Variants in CNKSR2 observed in about 807,000 individuals in gnomAD.
The protein encoded by CNKSR2 is CNK homolog protein 2.
A neutral mutation model predicts 84.4 loss-of-function variants in CNKSR2; 14 were observed. The observed-to-expected ratio is 0.17, with a 90% confidence interval of 0.11 to 0.26. The LOEUF (loss-of-function observed/expected upper bound fraction) is 0.26. CNKSR2 is among the 10% of genes least tolerant of loss of function. CNKSR2 has a pLI of 1.00. For synonymous variants in CNKSR2, 275 were observed against 277.9 expected, an observed-to-expected ratio of 0.99 and a Z score of 0.10; for missense variants, 485 against 771.2, an observed-to-expected ratio of 0.63 and a Z score of 4.40.
At chrX:21,456,745 T>C (rs2091000180) in intron 4 of CNKSR2, among the ~76,000 whole-genome samples, 2 of 111,687 alleles carry the variant, frequency 1.8e-5, no homozygotes, top group East Asian at 5.5e-4. Context: ...GTGGGATTGC[T>C]GGATAATATA....
intron 20 of CNKSR2, 22 bp from the exon 21 acceptor site, chrX:21,648,809 T>TTTTTTTTTTTG: frequency 1.3e-6 from 1 of 788,569 alleles, no homozygotes; most frequent in Non-Finnish European, 1.6e-6. Context: ...TTTTTTTTTT[T>TTTTTTTTTTTG]TTTTTTTTTT....
intron 4 of CNKSR2, 30 bp downstream of exon 4, chrX:21,440,811 A>G (rs773352116): frequency 1.1e-6 from 1 of 922,770 alleles, no homozygotes; most frequent in African/African-American, 2.0e-5. Context: ...CCTTCTGTTA[A>G]TTTATTAGCA....
chrX:21,648,794 CTTTTTT>C (rs33962399), intron 20 of CNKSR2, 31 bp from the exon 21 acceptor site: 113 of 315,831 alleles, frequency 3.6e-4, no homozygotes, highest in Middle Eastern at 9.8e-4. Flanking sequence ...CTCTCTCTTT[CTTTTTT>C]TTTTTTTTTT....
chrX:21,599,156 G>T (rs1324383110), intron 17 of CNKSR2, among the ~76,000 whole-genome samples: 1 of 112,299 alleles, frequency 8.9e-6, no homozygotes, highest in Non-Finnish European at 1.9e-5. Context: ...CAGAAATTAC[G>T]TCTTATTTAT....
intron 11 of CNKSR2, among the ~76,000 whole-genome samples, chrX:21,536,844 G>A (rs867646376): frequency 1.6e-5 from 1 of 61,533 alleles, no homozygotes; most frequent in African/African-American, 7.0e-5. Context: ...TTTTTTTTTT[G>A]TCTCTTTCAT....
chrX:21,436,786 T>C (rs1019867564), intron 3 of CNKSR2, among the ~76,000 whole-genome samples: 7 of 111,093 alleles, frequency 6.3e-5, no homozygotes, highest in Non-Finnish European at 1.1e-4. Context: ...GTTTTTACTC[T>C]CATAGATGAT....
At chrX:21,403,426 T>C (rs1238465023) in intron 1 of CNKSR2, among the ~76,000 whole-genome samples, 1 of 111,810 alleles carries the variant, frequency 8.9e-6, no homozygotes, top group Non-Finnish European at 1.9e-5. Context: ...ATACGAACTT[T>C]AGTGTCAATT....
intron 20 of CNKSR2, among the ~76,000 whole-genome samples, chrX:21,636,702 T>G (rs191716982): frequency 1.8e-3 from 197 of 111,071 alleles, no homozygotes; most frequent in Admixed American, 5.0e-3. Context: ...AACTATAAAA[T>G]TTTAAGATAG....
At chrX:21,515,367 G>C (rs747484390) in intron 8 of CNKSR2, among the ~76,000 whole-genome samples, 65 of 110,977 alleles carry the variant, frequency 5.9e-4, no homozygotes, top group Non-Finnish European at 4.0e-4. Context: ...ATTAGACAAA[G>C]GGCACCAATT....
At chrX:21,471,062 T>C (rs58973208) in intron 5 of CNKSR2, among the ~76,000 whole-genome samples, 3,355 of 111,727 alleles carry the variant, frequency 0.03, 128 homozygotes, top group African/African-American at 0.1. Flanking sequence ...AAATTAATAA[T>C]GTAGAGCAAG....
At chrX:21,557,718 G>A (rs184245069) in intron 11 of CNKSR2, among the ~76,000 whole-genome samples, 4 of 110,821 alleles carry the variant, frequency 3.6e-5, no homozygotes, top group East Asian at 5.6e-4. Flanking sequence ...CCTAATCCTC[G>A]TTTTCTAGAT....
At chrX:21,623,757 CG>C (rs1439393521) in intron 20 of CNKSR2, among the ~76,000 whole-genome samples, 2 of 111,543 alleles carry the variant, frequency 1.8e-5, no homozygotes, top group Non-Finnish European at 3.8e-5. Context: ...AACTCATTCA[CG>C]GATTTATACC....
chrX:21,636,847 G>A (rs1167096351), intron 20 of CNKSR2, among the ~76,000 whole-genome samples: 5 of 110,210 alleles, frequency 4.5e-5, no homozygotes, highest in African/African-American at 9.9e-5. Flanking sequence ...TTTACTGAAC[G>A]ATATATTTCT....
At chrX:21,586,907 A>C (rs1357932908) in intron 13 of CNKSR2, among the ~76,000 whole-genome samples, 1 of 112,086 alleles carries the variant, frequency 8.9e-6, no homozygotes, top group Non-Finnish European at 1.9e-5. Flanking sequence ...CATGGAAGAT[A>C]AATTGAGAGG....
At chrX:21,376,120 C>T (rs1222618088) in intron 1 of CNKSR2, among the ~76,000 whole-genome samples, 1 of 112,540 alleles carries the variant, frequency 8.9e-6, no homozygotes, top group African/African-American at 3.2e-5. Context: ...CCCGTTCCTA[C>T]GATGAAGGAG....
At chrX:21,562,802 A>T (rs967329807) in intron 12 of CNKSR2, among the ~76,000 whole-genome samples, 1 of 110,718 alleles carries the variant, frequency 9.0e-6, no homozygotes, top group Non-Finnish European at 1.9e-5. Flanking sequence ...AACTTCTCCA[A>T]GCATGCTACC....
intron 6 of CNKSR2, among the ~76,000 whole-genome samples, chrX:21,495,879 C>T (rs774808946): frequency 1.0e-5 from 1 of 96,518 alleles, no homozygotes; most frequent in Non-Finnish European, 2.0e-5. Context: ...CATTTAATGA[C>T]GGGATTCCAT....
intron 7 of CNKSR2, among the ~76,000 whole-genome samples, chrX:21,499,994 C>T (rs1186856609): frequency 5.4e-5 from 6 of 110,881 alleles, no homozygotes; most frequent in Admixed American, 3.9e-4. Context: ...GAACCAAATA[C>T]CACAGGAACC....
At chrX:21,587,259 A>T (rs2092394139) in intron 13 of CNKSR2, among the ~76,000 whole-genome samples, 1 of 112,070 alleles carries the variant, frequency 8.9e-6, no homozygotes, top group East Asian at 2.8e-4. Flanking sequence ...CCAAACTATT[A>T]TTCAAGAGGA....
Sources: allele counts gnomAD v4.1 joint callset (sites outside exome capture counted in the v4.1 genomes callset), GRCh38; gene constraint gnomAD v4.1.1; transcripts MANE v1.5; gene names NCBI Gene and HGNC (gene_info 2026-07-23, HGNC 2026-07-21).